DMD: variants seen among roughly 807,000 people sequenced by gnomAD.
The protein encoded by DMD is mutant dystrophin.
Under a neutral mutation model 330.1 loss-of-function variants are expected in DMD, and 63 were observed. The observed-to-expected ratio is 0.19, with a 90% CI of 0.16 to 0.24. DMD has a LOEUF of 0.24. Among genes scored for constraint, DMD ranks in the 10% least tolerant of loss-of-function variants. The pLI, the probability that DMD is intolerant of heterozygous loss-of-function variation, is 1.00. For synonymous variants in DMD, 1,223 were observed against 959.8 expected (o/e 1.27, Z -5.07); for missense variants, 3,344 against 2,684.1 (o/e 1.25, Z -5.43).
chrX:31,444,420 A>G, intron 60 of DMD, 61 bp downstream of exon 60: 1 of 1,171,672 alleles, frequency 8.5e-7, no homozygotes, highest in Non-Finnish European at 1.2e-6. Flanking sequence ...TGTTCTTTAC[A>G]AATTTTATCT....
At chrX:32,943,559 G>C (rs182192642) in intron 2 of DMD, among the ~76,000 whole-genome samples, 195 of 110,241 alleles carry the variant, frequency 1.8e-3, no homozygotes, top group Non-Finnish European at 3.3e-3. Flanking sequence ...TTTTTTAGTA[G>C]CCTCCTACTG....
intron 40 of DMD, chrX:32,342,712 A>G (rs750192086): frequency 1.2e-4 from 32 of 268,655 alleles, no homozygotes; most frequent in Non-Finnish European, 1.7e-4. Context: ...GTGTAAAATA[A>G]TAACAGAAAA....
intron 1 of DMD, among the ~76,000 whole-genome samples, chrX:33,056,878 T>C (rs1018518975): frequency 7.2e-5 from 8 of 111,186 alleles, no homozygotes; most frequent in African/African-American, 2.6e-4. Context: ...GACAACAAGA[T>C]TGCCTCTGAA....
intron 2 of DMD, among the ~76,000 whole-genome samples, chrX:33,009,307 CATGTGTGT>C (rs1569548890): frequency 0.021 from 508 of 24,599 alleles, 146 homozygotes; most frequent in African/African-American, 0.052. Flanking sequence ...TGTATATACA[CATGTGTGT>C]ATATGTGTAT....
chrX:32,983,619 G>A (rs1354949223), intron 2 of DMD, among the ~76,000 whole-genome samples: 1 of 106,487 alleles, frequency 9.4e-6, no homozygotes, highest in African/African-American at 3.4e-5. Context: ...CTGAATTGTA[G>A]TAATGTCAAT....
At chrX:32,917,574 A>G (rs1205564706) in intron 2 of DMD, among the ~76,000 whole-genome samples, 1 of 111,753 alleles carries the variant, frequency 8.9e-6, no homozygotes, top group Non-Finnish European at 1.9e-5. Flanking sequence ...ACTGAATTTC[A>G]AAATCTCCGC....
At chrX:31,595,386 C>A (rs2077065199) in intron 55 of DMD, among the ~76,000 whole-genome samples, 1 of 111,090 alleles carries the variant, frequency 9.0e-6, no homozygotes, top group African/African-American at 3.3e-5. Context: ...ATATCTTCCA[C>A]ACCCTTGATT....
At chrX:33,002,762 A>T (rs12860449) in intron 2 of DMD, among the ~76,000 whole-genome samples, 16,205 of 97,755 alleles carry the variant, frequency 0.17, 1,998 homozygotes, top group African/African-American at 0.41. Flanking sequence ...CCTTCAGTTT[A>T]GTCCTAGGGA....
intron 23 of DMD, among the ~76,000 whole-genome samples, chrX:32,467,610 G>A (rs867743530): frequency 4.8e-5 from 5 of 104,024 alleles, no homozygotes; most frequent in Non-Finnish European, 9.8e-5. Flanking sequence ...ATATGTACAT[G>A]ATATATAATT....
intron 62 of DMD, among the ~76,000 whole-genome samples, chrX:31,266,343 G>A (rs2051114157): frequency 9.0e-6 from 1 of 111,287 alleles, no homozygotes; most frequent in African/African-American, 3.3e-5. Flanking sequence ...GAAGAAATCA[G>A]GCAGAAAGTT....
intron 1 of DMD, among the ~76,000 whole-genome samples, chrX:33,269,504 G>A (rs1603426994): frequency 9.0e-6 from 1 of 110,817 alleles, no homozygotes; most frequent in Non-Finnish European, 1.9e-5. Context: ...CTATCTGGGT[G>A]CAATATACCG....
intron 2 of DMD, among the ~76,000 whole-genome samples, chrX:32,980,118 C>T (rs188883962): frequency 1.2e-3 from 138 of 110,441 alleles, no homozygotes; most frequent in African/African-American, 4.2e-3. Context: ...GTAATCCCAG[C>T]ACTTTGGGAG....
At chrX:31,677,655 A>G (rs767948240) in intron 53 of DMD, among the ~76,000 whole-genome samples, 1 of 112,294 alleles carries the variant, frequency 8.9e-6, no homozygotes, top group South Asian at 3.7e-4. Context: ...TGAAAAAACC[A>G]TTAGTGGTAA....
chrX:32,135,921 C>T (rs1357740018), intron 44 of DMD, among the ~76,000 whole-genome samples: 1 of 110,804 alleles, frequency 9.0e-6, no homozygotes, highest in African/African-American at 3.3e-5. Context: ...AGTCATTAAC[C>T]CTTCTGGATG....
chrX:32,599,314 T>A (rs2055919220), intron 12 of DMD, among the ~76,000 whole-genome samples: 1 of 111,899 alleles, frequency 8.9e-6, no homozygotes, highest in South Asian at 3.7e-4. Context: ...CATAAAAAGC[T>A]GGAGTTAAAA....
At chrX:32,067,660 A>T (rs2096268311) in intron 44 of DMD, among the ~76,000 whole-genome samples, 1 of 111,937 alleles carries the variant, frequency 8.9e-6, no homozygotes, top group Admixed American at 9.5e-5. Context: ...CTCTAGCTGC[A>T]TCTATGTTGC....
At chrX:32,484,789 G>A in intron 21 of DMD, 130 bp downstream of exon 21, 3 of 687,190 alleles carry the variant, frequency 4.4e-6, no homozygotes, top group Non-Finnish European at 6.7e-6. Flanking sequence ...TTCGTTCCTT[G>A]TTAATACAGG....
chrX:32,807,734 T>G (rs868706292), intron 7 of DMD, among the ~76,000 whole-genome samples: 2 of 111,863 alleles, frequency 1.8e-5, no homozygotes, highest in Non-Finnish European at 3.8e-5. Flanking sequence ...TGTATATATT[T>G]ACCTATTTTC....
At chrX:31,821,097 T>A (rs1364614836) in intron 49 of DMD, among the ~76,000 whole-genome samples, 1 of 107,836 alleles carries the variant, frequency 9.3e-6, no homozygotes, top group African/African-American at 3.2e-5. Flanking sequence ...TAGTGAGGTT[T>A]CCACATTTTT....
Sources: allele counts gnomAD v4.1 joint callset (sites outside exome capture counted in the v4.1 genomes callset), GRCh38; gene constraint gnomAD v4.1.1; transcripts MANE v1.5; gene names NCBI Gene and HGNC (gene_info 2026-07-23, HGNC 2026-07-21).